RNF111: variants seen among roughly 807,000 people sequenced by gnomAD.
RNF111 encodes the protein E3 ubiquitin-protein ligase Arkadia.
Under a neutral mutation model 95.1 loss-of-function variants are expected in RNF111, and 17 were observed. That is an observed-to-expected ratio of 0.18 (90% CI 0.12 to 0.27). The LOEUF is 0.27. Ranked by LOEUF, RNF111 falls within the 10% of genes least tolerant of loss-of-function variation. The pLI, the probability that RNF111 is intolerant of heterozygous loss-of-function variation, is 1.00. For synonymous variants in RNF111, 440 were observed against 414.8 expected (o/e 1.06, Z -0.74); for missense variants, 1,189 against 1,210.4 (o/e 0.98, Z 0.26).
intron 1 of RNF111, among the ~76,000 whole-genome samples, chr15:59,005,301 G>A (rs1222046236): frequency 4.6e-5 from 7 of 152,100 alleles, no homozygotes; most frequent in African/African-American, 9.7e-5. Flanking sequence ...TTACAGGCAC[G>A]AGCCACTGCA....
intron 6 of RNF111, among the ~76,000 whole-genome samples, chr15:59,075,075 C>T (rs2043110345): frequency 2.0e-5 from 3 of 152,120 alleles, no homozygotes; most frequent in South Asian, 2.1e-4. Context: ...ATAATAGTAA[C>T]ATCAATGACT....
At chr15:58,997,106 A>G (rs1226612151) in intron 1 of RNF111, among the ~76,000 whole-genome samples, 1 of 152,178 alleles carries the variant, frequency 6.6e-6, no homozygotes, top group Admixed American at 6.5e-5. Flanking sequence ...TTCAGAGAAA[A>G]GTAATATATA....
chr15:59,081,894 A>C, intron 8 of RNF111, among the ~76,000 whole-genome samples: 1 of 152,134 alleles, frequency 6.6e-6, no homozygotes, highest in African/African-American at 2.4e-5. Context: ...GTGTAGTGGC[A>C]TACTCCTGTG....
chr15:59,031,585 A>T lies in RNF111; in HGVS notation c.763A>T (p.Ser255Cys). 1 of 1,614,236 alleles carries T rather than the reference A, an allele frequency of 6.2e-7. No homozygotes were observed. Among genetic ancestry groups the T allele is most frequent in the Non-Finnish European group, 8.5e-7 (1 of 1,180,032 alleles). The change falls in exon 2 of 14, where the codon AGT (serine) becomes TGT (cysteine). Residue 255 changes from serine to cysteine, a missense_variant. This residue lies in a region of RNF111 where 1,024 missense variants were observed against 925.9 expected (regional missense o/e 1.11). Transcript: ENST00000348370. ...RKYALLPSSS[S>C]SSENDLSSES... ...ATATGCCTTGCTACCTAGTTCTAGT[A>T]GTTCCAGTGAGAATGACCTCAGCAG... is the stretch of plus-strand genomic sequence containing the variant.
chr15:59,022,636 A>G (rs1175401571), intron 1 of RNF111, among the ~76,000 whole-genome samples: 1 of 152,228 alleles, frequency 6.6e-6, no homozygotes, highest in East Asian at 1.9e-4. Flanking sequence ...GTTAAGGAGT[A>G]TAGTGAACGT....
At chr15:59,028,792 T>TTC (rs2040752998) in intron 1 of RNF111, among the ~76,000 whole-genome samples, 1 of 151,584 alleles carries the variant, frequency 6.6e-6, no homozygotes, top group African/African-American at 2.4e-5. Flanking sequence ...TTTTTTTTTT[T>TTC]TTCTTGAGAT....
intron 1 of RNF111, among the ~76,000 whole-genome samples, chr15:58,996,301 G>A (rs894787986): frequency 6.6e-6 from 1 of 152,040 alleles, no homozygotes; most frequent in African/African-American, 2.4e-5. Context: ...GGCTGGGTGC[G>A]GTAGCTCATA....
intron 2 of RNF111, among the ~76,000 whole-genome samples, chr15:59,040,171 G>A (rs1189098327): frequency 6.6e-6 from 1 of 151,858 alleles, no homozygotes; most frequent in East Asian, 1.9e-4. Context: ...CTGGAGAGCA[G>A]TGGTACACTC....
intron 6 of RNF111, among the ~76,000 whole-genome samples, chr15:59,072,174 A>G (rs1276937340): frequency 6.6e-6 from 1 of 152,180 alleles, no homozygotes; most frequent in Non-Finnish European, 1.5e-5. Context: ...GTTGGTGGCT[A>G]TGACTGATGA....
intron 1 of RNF111, among the ~76,000 whole-genome samples, chr15:59,030,548 T>C (rs1460110134): frequency 2.6e-5 from 4 of 152,200 alleles, no homozygotes; most frequent in Non-Finnish European, 4.4e-5. Flanking sequence ...CAGTTTTTGG[T>C]TAATAGAAGT....
At chr15:59,068,966 C>G (rs1319311899) in intron 6 of RNF111, among the ~76,000 whole-genome samples, 2 of 150,470 alleles carry the variant, frequency 1.3e-5, no homozygotes, top group Non-Finnish European at 2.9e-5. Context: ...CCCAGCTGCT[C>G]AGGAGACTGA....
At chr15:59,025,204 T>C (rs561270825) in intron 1 of RNF111, among the ~76,000 whole-genome samples, 6 of 152,140 alleles carry the variant, frequency 3.9e-5, no homozygotes, top group Non-Finnish European at 7.4e-5. Flanking sequence ...GTTTATCTTA[T>C]AGTTTCATAG....
chr15:59,080,887 T>C lies in RNF111; in HGVS notation c.1949-49T>C, dbSNP rs756494985. 6 of 1,393,184 alleles carry C rather than the reference T, an allele frequency of 4.3e-6. No homozygotes were observed. In the African/African-American group the frequency reaches 8.6e-5, roughly 20 times the overall value. The allele number at this position is 1,393,184 out of a possible 1,614,324, so 86.3% of individuals were successfully genotyped here. On this transcript the variant is annotated intron_variant, in intron 7 of 13. Coordinates refer to ENST00000348370, the MANE Select transcript of RNF111 (RefSeq NM_017610.8). ...TAGGAATGTATAATAGCAATATATG[T>C]TCAACTGCATGGTGCCTATGTAACA...
chr15:59,022,447 T>A (rs1303438014), intron 1 of RNF111, among the ~76,000 whole-genome samples: 1 of 152,218 alleles, frequency 6.6e-6, no homozygotes, highest in Non-Finnish European at 1.5e-5. Context: ...AAGATAACTT[T>A]GACTTCCAGA....
At chr15:59,018,131 G>T (rs549645036) in intron 1 of RNF111, among the ~76,000 whole-genome samples, 80 of 152,204 alleles carry the variant, frequency 5.3e-4, no homozygotes, top group African/African-American at 1.8e-3. Flanking sequence ...AATGAAGAAA[G>T]ATTTTGTGAA....
At chr15:59,017,753 C>CTTTTTTTTTTTTTTTTTTTTTT (rs200975904) in intron 1 of RNF111, among the ~76,000 whole-genome samples, 1 of 120,962 alleles carries the variant, frequency 8.3e-6, no homozygotes. Flanking sequence ...TTGTTGAACT[C>CTTTTTTTTTTTTTTTTTTTTTT]TTTTTTTTTT....
chr15:59,042,373 C>T (rs890962564), intron 2 of RNF111, among the ~76,000 whole-genome samples: 2 of 152,052 alleles, frequency 1.3e-5, no homozygotes, highest in Non-Finnish European at 2.9e-5. Flanking sequence ...GTGATCCACC[C>T]GCTCGGCCTC....
chr15:58,999,808 C>A lies in RNF111; in HGVS notation c.-20+11740C>A, dbSNP rs1338119332. 2.0e-5 allele frequency among the ~76,000 whole-genome samples: 3 copies of A among 152,210 alleles called. No homozygotes were observed. In the East Asian group the frequency reaches 5.8e-4, roughly 29 times the overall value. On this transcript the variant is annotated intron_variant, in intron 1 of 13. Coordinates refer to ENST00000348370, the MANE Select transcript of RNF111 (RefSeq NM_017610.8). ...TCCATAGGTTTTATAGGAAGCGTGG[C>A]AGCATCTGCTTCTGGGGAGGCCTCT...
At chr15:59,093,837 T>G (rs1203542439) in intron 13 of RNF111, among the ~76,000 whole-genome samples, 2 of 152,206 alleles carry the variant, frequency 1.3e-5, no homozygotes, top group Non-Finnish European at 2.9e-5. Flanking sequence ...TAAGGTTTTT[T>G]GCACACTGTA....
Sources: gnomAD v4.1 joint callset for allele counts (sites outside exome capture counted in the v4.1 genomes callset) on GRCh38, gnomAD v4.1.1 for gene constraint, gnomAD v4.1.1 regional missense constraint, MANE v1.5 for transcripts, NCBI Gene and HGNC (gene_info 2026-07-23, HGNC 2026-07-21) for gene names.